The following ITPK1 variants were observed in gnomAD, a reference collection of about 807,000 sequenced individuals.
ITPK1 encodes the protein inositol-tetrakisphosphate 1-kinase.
Under a neutral mutation model 45.3 loss-of-function variants are expected in ITPK1, and 21 were observed. That is an observed-to-expected ratio of 0.46 (90% CI 0.33 to 0.67). The LOEUF (loss-of-function observed/expected upper bound fraction) is 0.67, where lower values mean the gene tolerates loss of function less well. Among genes scored for constraint, ITPK1 ranks in the 30% least tolerant of loss-of-function variants. ITPK1 has a pLI of 0.02. For missense variants in ITPK1, 474 were observed against 573.5 expected, an observed-to-expected ratio of 0.83 and a Z score of 1.77; for synonymous variants, 258 against 253.6, an observed-to-expected ratio of 1.02 and a Z score of -0.16.
intron 7 of ITPK1, among the ~76,000 whole-genome samples, chr14:92,961,047 A>G (rs866898482): frequency 6.6e-6 from 1 of 152,260 alleles, no homozygotes; most frequent in African/African-American, 2.4e-5. Flanking sequence ...AGGGATAAAG[A>G]GCAGTACATA....
In ITPK1 at chr14:92,958,504, G is replaced by T; in HGVS notation, c.505-138C>A. 1.3e-6 allele frequency: 1 copy of T among 754,008 alleles called. No individual in the cohort carries two copies. The highest frequency in any genetic ancestry group is 2.2e-6 in the Non-Finnish European group (1 of 461,736). The allele number at this position is 754,008 out of a possible 1,614,324, so 46.7% of individuals were successfully genotyped here. ...GTGGCATGAGGACTCCCCTAGAGGAGCCTTGAGCCAGGGTGAGTGGAGTGG... is the reference window on the plus strand; with the variant it reads ...GTGGCATGAGGACTCCCCTAGAGGATCCTTGAGCCAGGGTGAGTGGAGTGG... On this transcript the variant is annotated intron_variant, in intron 7 of 10. Transcript: ENST00000267615. The surrounding 1 kb of genome is among the most constrained non-coding windows in gnomAD (Gnocchi z 4.4).
rs1050773192 is a variant in ITPK1 at position 93,028,125 on chromosome 14, C to T, written c.121-11324G>A. Among the ~76,000 whole-genome samples, 5 of 152,336 alleles carry T rather than the reference C, an allele frequency of 3.3e-5. No individual in the cohort carries two copies. In the South Asian group the frequency reaches 8.3e-4, roughly 25 times the overall value. On this transcript the variant is annotated intron_variant, in intron 3 of 10. Transcript: ENST00000267615. ...TTGCACACGCACAGGAGCCACAGGACGCGTCCTGGCCAACAGAATGGGAGC... is the reference window on the plus strand; with the variant it reads ...TTGCACACGCACAGGAGCCACAGGATGCGTCCTGGCCAACAGAATGGGAGC...
chr14:93,040,528 C>G (rs1015662119), intron 3 of ITPK1, among the ~76,000 whole-genome samples: 1 of 152,210 alleles, frequency 6.6e-6, no homozygotes, highest in Admixed American at 6.5e-5. Flanking sequence ...TGCCCAGGCA[C>G]CCTGCAGACA....
At chr14:93,024,413 G>A (rs1888626340) in intron 3 of ITPK1, among the ~76,000 whole-genome samples, 1 of 152,194 alleles carries the variant, frequency 6.6e-6, no homozygotes, top group African/African-American at 2.4e-5. Flanking sequence ...TGGAGTGAGG[G>A]TAAAGAAATA....
At position 92,940,682 on chromosome 14, in the gene ITPK1, G is replaced by C. The variant is rs1329079601; in HGVS notation, c.*879C>G. 1 of 1,282,256 alleles carries C rather than the reference G, an allele frequency of 7.8e-7. No homozygotes were observed. The highest frequency in any genetic ancestry group is 5.6e-5 in the East Asian group (1 of 18,002). 79.4% of individuals were successfully genotyped at this position (1,282,256 alleles called of 1,614,324 possible). A position where few individuals can be genotyped will look rare whatever the true frequency, so the allele number is the denominator to read the frequency against. On this transcript the variant is annotated 3_prime_UTR_variant, in exon 11 of 11. Transcript: ENST00000267615. Reference sequence around the variant, plus strand: ...GGGGTTAGGGCACAAAGCCAGCCCTGTGGTGCTCTCTGATCTCAAATGTCC... The same window carrying C: ...GGGGTTAGGGCACAAAGCCAGCCCTCTGGTGCTCTCTGATCTCAAATGTCC...
chr14:93,050,556 G>A (rs1012602942), intron 3 of ITPK1, among the ~76,000 whole-genome samples: 1 of 152,138 alleles, frequency 6.6e-6, no homozygotes, highest in African/African-American at 2.4e-5. Flanking sequence ...GCTGGCTTTT[G>A]AAGGCATCGA....
intron 8 of ITPK1, among the ~76,000 whole-genome samples, chr14:92,953,469 G>T (rs1888056075): frequency 1.3e-5 from 2 of 152,254 alleles, no homozygotes; most frequent in South Asian, 4.1e-4. Flanking sequence ...CTGTGGGGAT[G>T]GCATAAGCCC....
In ITPK1 at chr14:92,940,307, C is replaced by A; in HGVS notation, c.*1254G>T. 1.0e-6 allele frequency: 1 copy of A among 991,012 alleles called. No homozygotes were observed. The allele number at this position is 991,012 out of a possible 1,614,324, so 61.4% of individuals were successfully genotyped here. ...GGGGGCTGATGCCTCTCACCCAGCA[C>A]CCCACATCTTCCAGGACTGCAGAGG... On this transcript the variant is annotated 3_prime_UTR_variant, in exon 11 of 11. Transcript: ENST00000267615.
chr14:92,945,075 GAGCCC>G (rs1163933033), intron 10 of ITPK1, among the ~76,000 whole-genome samples: 1 of 152,202 alleles, frequency 6.6e-6, no homozygotes, highest in African/African-American at 2.4e-5. Context: ...CCTCACAGAG[GAGCCC>G]GCTGACCGCC....
chr14:93,002,350 A>G (rs1887395563), intron 4 of ITPK1, among the ~76,000 whole-genome samples: 1 of 152,194 alleles, frequency 6.6e-6, no homozygotes. Flanking sequence ...AAAATAAAAT[A>G]AGAAGAAAAA....
chr14:93,098,489 G>A lies in ITPK1; in HGVS notation c.95+16580C>T, dbSNP rs148020189. On this transcript the variant is annotated intron_variant, in intron 2 of 10. Transcript: ENST00000267615. Reference sequence around the variant, plus strand: ...AAAAACACACAAAAATTAGCCGGGCGTGGTGGTGGGCGCCTGTAACCCCAG... The same window carrying A: ...AAAAACACACAAAAATTAGCCGGGCATGGTGGTGGGCGCCTGTAACCCCAG... 7.0e-3 allele frequency among the ~76,000 whole-genome samples: 1,060 copies of A among 151,666 alleles called. 13 individuals carry two copies. The highest frequency in any genetic ancestry group is 0.025 in the African/African-American group (1,017 of 41,392).
chr14:92,981,015 T>C (rs565406798), intron 5 of ITPK1, among the ~76,000 whole-genome samples: 2 of 152,308 alleles, frequency 1.3e-5, no homozygotes, highest in African/African-American at 2.4e-5. Context: ...GCCTCTCTTG[T>C]AGTTTTTCTT....
chr14:92,977,587 G>C (rs1243375184), intron 5 of ITPK1, among the ~76,000 whole-genome samples: 15 of 149,514 alleles, frequency 1.0e-4, no homozygotes, highest in Non-Finnish European at 1.5e-5. Context: ...TCATGGGGGT[G>C]GATTTCCCCC....
intron 3 of ITPK1, among the ~76,000 whole-genome samples, chr14:93,051,050 C>A (rs1227414329): frequency 6.6e-6 from 1 of 152,176 alleles, no homozygotes; most frequent in Admixed American, 6.5e-5. Context: ...CAGGGCCCGG[C>A]CTGCCTGGGC....
chr14:93,037,095 C>T (rs1889357753), intron 3 of ITPK1: 1 of 152,318 alleles, frequency 6.6e-6, no homozygotes. Context: ...CCCCTGCTCC[C>T]TGGGTGGCTC....
At chr14:92,989,261 C>A (rs566571968) in intron 5 of ITPK1, among the ~76,000 whole-genome samples, 1 of 152,114 alleles carries the variant, frequency 6.6e-6, no homozygotes, top group Non-Finnish European at 1.5e-5. Context: ...GCGGTATGCA[C>A]CCCCCATCCC....
intron 5 of ITPK1, among the ~76,000 whole-genome samples, chr14:92,973,047 GC>G: frequency 6.6e-6 from 1 of 152,290 alleles, no homozygotes; most frequent in South Asian, 2.1e-4. Flanking sequence ...GTTCTGCAGA[GC>G]CCCCAAGAAC....
intron 4 of ITPK1, among the ~76,000 whole-genome samples, chr14:93,004,595 A>AGAATGAGTGTGAGAGC (rs1887518934): frequency 6.6e-6 from 1 of 151,536 alleles, no homozygotes; most frequent in Non-Finnish European, 1.5e-5. Flanking sequence ...TGTGTGTGTG[A>AGAATGAGTGTGAGAGC]GAATGAGTGT....
At chr14:93,017,436 T>C (rs1430721963) in intron 3 of ITPK1, among the ~76,000 whole-genome samples, 2 of 152,232 alleles carry the variant, frequency 1.3e-5, no homozygotes, top group East Asian at 3.8e-4. Flanking sequence ...TCTCCTGCTA[T>C]GCCAGGGAAG....
Sources: allele counts gnomAD v4.1 joint callset (sites outside exome capture counted in the v4.1 genomes callset), GRCh38; gene constraint gnomAD v4.1.1; non-coding constraint Gnocchi (gnomAD v3.1); transcripts MANE v1.5; gene names NCBI Gene and HGNC (gene_info 2026-07-23, HGNC 2026-07-21).